Variants in MYO3B observed in about 807,000 individuals in gnomAD.
MYO3B encodes myosin-IIIb.
In MYO3B, 156 loss-of-function variants were observed where a neutral mutation model predicts 174.6. The ratio of observed to expected loss-of-function variants is 0.89; its 90% CI spans 0.78 to 1.02. The LOEUF (loss-of-function observed/expected upper bound fraction) is 1.02, where lower values mean the gene tolerates loss of function less well. MYO3B is among the 50% of genes least tolerant of loss of function. MYO3B has a pLI of 0.00. For missense variants in MYO3B, 1,632 were observed against 1,639.4 expected (o/e 1.00, Z 0.08); for synonymous variants, 563 against 569.1 (o/e 0.99, Z 0.15).
At chr2:170,396,785 T>C (rs1365867063) in intron 16 of MYO3B, among the ~76,000 whole-genome samples, 1 of 152,176 alleles carries the variant, frequency 6.6e-6, no homozygotes, top group Non-Finnish European at 1.5e-5. Flanking sequence ...GGAAGTCTTA[T>C]TTTGGGAGGT....
intron 22 of MYO3B, among the ~76,000 whole-genome samples, chr2:170,424,916 C>T (rs1360883395): frequency 6.6e-6 from 1 of 152,200 alleles, no homozygotes. Flanking sequence ...CAGCATCCTT[C>T]TCATTCATAG....
rs571227751 is a variant in MYO3B, at chr2:170,359,369, CTG to C, written c.816-9851_816-9850del. 8.5e-5 allele frequency among the ~76,000 whole-genome samples: 13 copies of C among 152,160 alleles called. No individual in the cohort carries two copies. In the South Asian group the frequency reaches 2.5e-3, roughly 29 times the overall value. ...TCCCTTTCTATTTCATTAATTCAGA[CTG>C]TATTCTTCCTAAATGAATTCACTCC... On this transcript the variant is annotated intron_variant, in intron 8 of 34. Transcript: ENST00000408978.
intron 30 of MYO3B, among the ~76,000 whole-genome samples, chr2:170,541,180 T>A (rs913396908): frequency 6.6e-6 from 1 of 152,172 alleles, no homozygotes; most frequent in African/African-American, 2.4e-5. Flanking sequence ...AGAGGTTCAT[T>A]TTTTGAGGGG....
At chr2:170,431,154 G>A (rs1209138219) in intron 22 of MYO3B, among the ~76,000 whole-genome samples, 1 of 152,074 alleles carries the variant, frequency 6.6e-6, no homozygotes, top group Non-Finnish European at 1.5e-5. Context: ...CAGTAGTATA[G>A]GCTCTTGTAC....
intron 25 of MYO3B, among the ~76,000 whole-genome samples, chr2:170,486,217 A>G (rs1482930234): frequency 6.6e-6 from 1 of 152,168 alleles, no homozygotes; most frequent in African/African-American, 2.4e-5. Flanking sequence ...TTATCCAAAC[A>G]TAAGACAATA....
In MYO3B at chr2:170,653,425, G is replaced by A. The variant is rs1016994035; in HGVS notation, c.*304G>A. On this transcript the variant is annotated 3_prime_UTR_variant, in exon 35 of 35. Coordinates refer to ENST00000408978, the MANE Select transcript of MYO3B (RefSeq NM_138995.5). ...CATTCATGCCCCCAGTGTCTAGGAA[G>A]ATAACAGCCAGTCTCACCCCAGTCT... 1.5e-5 allele frequency: 5 copies of A among 329,168 alleles called. No homozygotes were observed. Among genetic ancestry groups the A allele is most frequent in the Non-Finnish European group, 2.2e-5 (4 of 179,226 alleles). The allele number at this position is 329,168 out of a possible 1,614,324, so 20.4% of individuals were successfully genotyped here.
chr2:170,628,143 A>C (rs1048875415), intron 32 of MYO3B, among the ~76,000 whole-genome samples: 1 of 152,316 alleles, frequency 6.6e-6, no homozygotes, highest in East Asian at 1.9e-4. Context: ...CTGCCTCCAG[A>C]GATGGAGTCT....
intron 9 of MYO3B, among the ~76,000 whole-genome samples, chr2:170,376,924 A>C (rs1443011543): frequency 1.3e-5 from 2 of 152,160 alleles, no homozygotes; most frequent in Non-Finnish European, 2.9e-5. Flanking sequence ...TATGATTTAG[A>C]GCACCTTTTT....
intron 22 of MYO3B, 151 bp downstream of exon 22, chr2:170,407,995 ATGTT>A: frequency 1.0e-6 from 1 of 958,570 alleles, no homozygotes; most frequent in South Asian, 1.6e-5. Context: ...GAAAAGGAAA[ATGTT>A]TGTTTCTTTT....
chr2:170,329,869 A>G (rs1395220238), intron 7 of MYO3B, among the ~76,000 whole-genome samples: 1 of 152,198 alleles, frequency 6.6e-6, no homozygotes, highest in African/African-American at 2.4e-5. Context: ...CAACTTTATT[A>G]ATGGGATTTA....
intron 8 of MYO3B, among the ~76,000 whole-genome samples, chr2:170,347,222 G>A (rs1057198880): frequency 2.7e-4 from 41 of 152,150 alleles, no homozygotes; most frequent in Admixed American, 2.5e-3. Context: ...ATGGTGAAGT[G>A]TACTTTACTT....
At chr2:170,651,260 G>A (rs1698994090) in intron 32 of MYO3B, among the ~76,000 whole-genome samples, 1 of 152,148 alleles carries the variant, frequency 6.6e-6, no homozygotes, top group Non-Finnish European at 1.5e-5. Context: ...AGGATGTGGT[G>A]CAAACAATCC....
intron 34 of MYO3B, among the ~76,000 whole-genome samples, chr2:170,652,583 G>A (rs1341290823): frequency 2.6e-5 from 4 of 152,200 alleles, no homozygotes; most frequent in East Asian, 1.9e-4. Flanking sequence ...GGAATTTGTC[G>A]TTCATTTGAT....
At chr2:170,327,709 C>T (rs2093879082) in intron 7 of MYO3B, among the ~76,000 whole-genome samples, 7 of 151,950 alleles carry the variant, frequency 4.6e-5, no homozygotes, top group Admixed American at 4.6e-4. Flanking sequence ...CTTTTCTAAC[C>T]TGGACGAATC....
chr2:170,391,978 G>A (rs1317701241), intron 15 of MYO3B, among the ~76,000 whole-genome samples: 1 of 151,808 alleles, frequency 6.6e-6, no homozygotes, highest in East Asian at 1.9e-4. Flanking sequence ...AGCATAGTGA[G>A]ACTCTGTCTC....
intron 22 of MYO3B, among the ~76,000 whole-genome samples, chr2:170,428,462 A>G (rs2094683029): frequency 6.6e-6 from 1 of 152,222 alleles, no homozygotes; most frequent in South Asian, 2.1e-4. Context: ...ATGGAAGCCT[A>G]ACAATACTTA....
intron 32 of MYO3B, among the ~76,000 whole-genome samples, chr2:170,588,374 G>A (rs1267167520): frequency 6.6e-6 from 1 of 152,156 alleles, no homozygotes; most frequent in African/African-American, 2.4e-5. Flanking sequence ...AGGATTTTGA[G>A]GTTGTAGTAA....
At chr2:170,290,472 A>C (rs1168401101) in intron 7 of MYO3B, among the ~76,000 whole-genome samples, 1 of 152,042 alleles carries the variant, frequency 6.6e-6, no homozygotes, top group Non-Finnish European at 1.5e-5. Context: ...TTTGTAGTCT[A>C]TTTTATCTGA....
chr2:170,314,165 A>G (rs2093758575), intron 7 of MYO3B, among the ~76,000 whole-genome samples: 2 of 152,288 alleles, frequency 1.3e-5, no homozygotes, highest in South Asian at 4.1e-4. Context: ...TAGAATTGAT[A>G]CTGTGGCCAA....
Sources: allele counts gnomAD v4.1 joint callset (sites outside exome capture counted in the v4.1 genomes callset), GRCh38; gene constraint gnomAD v4.1.1; transcripts MANE v1.5; gene names NCBI Gene and HGNC (gene_info 2026-07-23, HGNC 2026-07-21).